The following AGPAT3 variants were observed in gnomAD, a reference collection of about 807,000 sequenced individuals.
The protein encoded by AGPAT3 is 1-acyl-sn-glycerol-3-phosphate acyltransferase gamma.
A neutral mutation model predicts 47.3 loss-of-function variants in AGPAT3; 5 were observed. That is an observed-to-expected ratio of 0.11 (90% CI 0.06 to 0.22). AGPAT3 has a LOEUF of 0.22. Ranked by LOEUF, AGPAT3 falls within the 10% of genes least tolerant of loss-of-function variation. The probability of loss-of-function intolerance (pLI) is 1.00; values close to 1 mark genes in which losing one functional copy is unlikely to be tolerated. For missense variants in AGPAT3, 315 were observed against 493.0 expected (o/e 0.64, Z 3.42); for synonymous variants, 212 against 208.3 (o/e 1.02, Z -0.15).
In AGPAT3 at chr21:43,981,147, A is replaced by G; in HGVS notation, c.1002A>G (p.Ser334=). The change falls in exon 9 of 10, where the codon TCA becomes TCG. Residue 334 remains serine (S), a synonymous_variant. Transcript: ENST00000291572. This position sits in a 1 kb window ranked among gnomAD's most constrained non-coding sequence, Gnocchi z 5.3. ...SFVLGVFASG[S]PLLILTFLGF... ...TCTTGGGCGTCTTTGCCAGCGGATC[A>G]CCTCTCCTGATCCTGACTTTCTTGG... The G allele has an allele frequency of 6.2e-7, 1 of 1,613,762 alleles. No individual in the cohort carries two copies. The highest frequency in any genetic ancestry group is 8.5e-7 in the Non-Finnish European group (1 of 1,179,942).
chr21:43,912,743 C>A (rs1569060435), intron 2 of AGPAT3, among the ~76,000 whole-genome samples: 1 of 152,216 alleles, frequency 6.6e-6, no homozygotes, highest in Non-Finnish European at 1.5e-5. Context: ...ATTCCTGTGT[C>A]CCGGGATAAA....
intron 1 of AGPAT3, among the ~76,000 whole-genome samples, chr21:43,885,842 C>T (rs1048538366): frequency 2.1e-5 from 3 of 143,766 alleles, no homozygotes; most frequent in African/African-American, 4.9e-5. Context: ...TGCGCAGGTG[C>T]GCAGGGCTCC....
intron 7 of AGPAT3, among the ~76,000 whole-genome samples, chr21:43,972,546 C>A (rs1439025697): frequency 6.6e-6 from 1 of 152,118 alleles, no homozygotes; most frequent in African/African-American, 2.4e-5. Flanking sequence ...GTGTCTAGAC[C>A]CCAGGAGGAG....
intron 1 of AGPAT3, among the ~76,000 whole-genome samples, chr21:43,900,886 G>A (rs2086333528): frequency 1.3e-5 from 2 of 152,186 alleles, no homozygotes; most frequent in Admixed American, 1.3e-4. Flanking sequence ...GCCCGGAGAT[G>A]CAGGACAGCA....
chr21:43,878,743 T>C (rs2085787796), intron 1 of AGPAT3, among the ~76,000 whole-genome samples: 1 of 151,926 alleles, frequency 6.6e-6, no homozygotes, highest in Non-Finnish European at 1.5e-5. Flanking sequence ...TGTCTTTTTT[T>C]TTTTTTTTGG....
At chr21:43,904,167 T>G (rs1287368626) in intron 2 of AGPAT3, 148 bp downstream of exon 2, 2 of 152,754 alleles carry the variant, frequency 1.3e-5, no homozygotes, top group Non-Finnish European at 2.9e-5. Flanking sequence ...TTCTTAAAGG[T>G]ATATATTTTA....
chr21:43,878,394 A>G (rs1332762994), intron 1 of AGPAT3, among the ~76,000 whole-genome samples: 2 of 152,186 alleles, frequency 1.3e-5, no homozygotes, highest in Non-Finnish European at 2.9e-5. Flanking sequence ...TTCACATTGC[A>G]CTGCTGACCT....
chr21:43,986,659 A>C lies in AGPAT3; in HGVS notation c.*4267A>C, dbSNP rs2030328671. 2.0e-5 allele frequency: 3 copies of C among 152,606 alleles called. No homozygotes were observed. The South Asian group carries it at 6.2e-4, about 32-fold the overall frequency. 9.5% of individuals were successfully genotyped at this position (152,606 alleles called of 1,614,324 possible). ...TTAATCAGCAAGATCGCCAGCAAGTACTGTAACTGTAAAGGAAAATCTCTC... is the reference window on the plus strand; with the variant it reads ...TTAATCAGCAAGATCGCCAGCAAGTCCTGTAACTGTAAAGGAAAATCTCTC... On this transcript the variant is annotated 3_prime_UTR_variant, in exon 10 of 10. Coordinates refer to ENST00000291572, the MANE Select transcript of AGPAT3 (RefSeq NM_020132.5).
At chr21:43,964,009 A>G (rs553240559) in intron 3 of AGPAT3, among the ~76,000 whole-genome samples, 1 of 152,312 alleles carries the variant, frequency 6.6e-6, no homozygotes, top group African/African-American at 2.4e-5. Context: ...AACAAAAATT[A>G]TAAAAGTAGG....
chr21:43,921,353 A>G (rs1384188644), intron 2 of AGPAT3, among the ~76,000 whole-genome samples: 1 of 152,076 alleles, frequency 6.6e-6, no homozygotes, highest in Non-Finnish European at 1.5e-5. Flanking sequence ...CGGTGTTCCC[A>G]GAGTTCTGTG....
At chr21:43,871,564 G>A (rs1210594727) in intron 1 of AGPAT3, among the ~76,000 whole-genome samples, 1 of 152,170 alleles carries the variant, frequency 6.6e-6, no homozygotes, top group Non-Finnish European at 1.5e-5. Flanking sequence ...TCAGCACTTG[G>A]CATTGCTGTT....
intron 2 of AGPAT3, among the ~76,000 whole-genome samples, chr21:43,923,714 C>T (rs772253724): frequency 9.2e-5 from 14 of 152,184 alleles, no homozygotes; most frequent in Non-Finnish European, 1.3e-4. Flanking sequence ...ACGAAGGATC[C>T]GATGGACAGC....
intron 8 of AGPAT3, 34 bp downstream of exon 8, chr21:43,978,155 T>C: frequency 1.3e-6 from 2 of 1,597,068 alleles, no homozygotes; most frequent in Non-Finnish European, 1.7e-6. Context: ...AGGGTCCCGG[T>C]CTCCTGAAGA....
At chr21:43,876,823 C>T (rs1180931781) in intron 1 of AGPAT3, among the ~76,000 whole-genome samples, 1 of 152,070 alleles carries the variant, frequency 6.6e-6, no homozygotes, top group African/African-American at 2.4e-5. Context: ...ATGCTTTTCA[C>T]CAGTTTTTGT....
At chr21:43,974,883 C>T (rs1601471717) in intron 7 of AGPAT3, among the ~76,000 whole-genome samples, 1 of 152,208 alleles carries the variant, frequency 6.6e-6, no homozygotes, top group Admixed American at 6.5e-5. Context: ...CCTCCCCATG[C>T]CAGTTGAACC....
chr21:43,960,123 A>G (rs557183770), intron 3 of AGPAT3, among the ~76,000 whole-genome samples: 1 of 152,366 alleles, frequency 6.6e-6, no homozygotes, highest in Non-Finnish European at 1.5e-5. Context: ...ATGTTTAAAC[A>G]AAAGTAAAGA....
At chr21:43,928,019 T>G (rs1028359829) in intron 2 of AGPAT3, among the ~76,000 whole-genome samples, 1 of 152,346 alleles carries the variant, frequency 6.6e-6, no homozygotes, top group African/African-American at 2.4e-5. Context: ...GAGCTGGGCC[T>G]GTTGCATCCT....
chr21:43,876,447 C>A (rs1018213978), intron 1 of AGPAT3, among the ~76,000 whole-genome samples: 1 of 152,228 alleles, frequency 6.6e-6, no homozygotes, highest in Non-Finnish European at 1.5e-5. Context: ...GGAGCAAAGC[C>A]TCCCTGGAGA....
At chr21:43,945,857 A>G (rs2087861419) in intron 2 of AGPAT3, among the ~76,000 whole-genome samples, 1 of 152,158 alleles carries the variant, frequency 6.6e-6, no homozygotes, top group Non-Finnish European at 1.5e-5. Context: ...ACATCATCTC[A>G]TGCTTGCACA....
Sources: allele counts gnomAD v4.1 joint callset (sites outside exome capture counted in the v4.1 genomes callset), GRCh38; gene constraint gnomAD v4.1.1; non-coding constraint Gnocchi (gnomAD v3.1); transcripts MANE v1.5; gene names NCBI Gene and HGNC (gene_info 2026-07-23, HGNC 2026-07-21).